RBFOX1: variants seen among roughly 807,000 people sequenced by gnomAD.
RBFOX1 encodes the protein RNA binding fox-1 homolog 1.
RBFOX1 carries 8 observed loss-of-function variants against 57.7 expected under a neutral mutation model. That is an observed-to-expected ratio of 0.14 (90% CI 0.08 to 0.25). The LOEUF (loss-of-function observed/expected upper bound fraction) is 0.25. Ranked by LOEUF, RBFOX1 falls within the 10% of genes least tolerant of loss-of-function variation. The pLI, the probability that RBFOX1 is intolerant of heterozygous loss-of-function variation, is 1.00. For synonymous variants in RBFOX1, 326 were observed against 222.4 expected (o/e 1.47, Z -4.15); for missense variants, 611 against 548.5 (o/e 1.11, Z -1.14).
intron 3 of RBFOX1, among the ~76,000 whole-genome samples, chr16:6,680,246 C>T (rs1395874885): frequency 1.3e-5 from 2 of 148,506 alleles, no homozygotes; most frequent in African/African-American, 2.5e-5. Context: ...GAGTATGATT[C>T]CTGTCTTTGC....
chr16:5,889,482 T>A (rs1197752274), intron 4 of RBFOX1, among the ~76,000 whole-genome samples: 1 of 152,192 alleles, frequency 6.6e-6, no homozygotes, highest in African/African-American at 2.4e-5. Context: ...GGCATTTGGG[T>A]TGATTTCATG....
At chr16:6,517,265 C>T (rs1171104008) in intron 2 of RBFOX1, among the ~76,000 whole-genome samples, 3 of 152,152 alleles carry the variant, frequency 2.0e-5, no homozygotes, top group South Asian at 2.1e-4. Flanking sequence ...ACCCACAATT[C>T]TGCATATTCA....
intron 4 of RBFOX1, among the ~76,000 whole-genome samples, chr16:7,269,276 C>G (rs2095258779): frequency 6.6e-6 from 1 of 152,106 alleles, no homozygotes; most frequent in Admixed American, 6.5e-5. Context: ...CACCTACACC[C>G]CTTTTAACCC....
chr16:6,149,226 C>G (rs182338847), intron 1 of RBFOX1, among the ~76,000 whole-genome samples: 2,158 of 152,266 alleles, frequency 0.014, 62 homozygotes, highest in African/African-American at 0.049. Context: ...TGTGTGCGCG[C>G]GCGTGCGCGG....
At chr16:7,320,178 C>G (rs2096520533) in intron 4 of RBFOX1, among the ~76,000 whole-genome samples, 1 of 152,110 alleles carries the variant, frequency 6.6e-6, no homozygotes, top group Non-Finnish European at 1.5e-5. Flanking sequence ...AACCCATCAG[C>G]TAGGTATTAA....
At chr16:6,269,379 C>T (rs2074936426) in intron 1 of RBFOX1, among the ~76,000 whole-genome samples, 1 of 152,274 alleles carries the variant, frequency 6.6e-6, no homozygotes, top group East Asian at 1.9e-4. Context: ...GATATAGTTT[C>T]AAATCACTGA....
chr16:7,011,763 C>T (rs866236424), intron 3 of RBFOX1, among the ~76,000 whole-genome samples: 1 of 152,176 alleles, frequency 6.6e-6, no homozygotes, highest in Admixed American at 6.5e-5. Context: ...ATCCGCCTGC[C>T]TTGGCCTTCC....
intron 2 of RBFOX1, among the ~76,000 whole-genome samples, chr16:6,553,316 T>C (rs953999139): frequency 1.3e-5 from 2 of 152,218 alleles, no homozygotes; most frequent in African/African-American, 4.8e-5. Context: ...GAAATAAAGA[T>C]CGTGAAGTGC....
chr16:7,577,918 T>A (rs1348773719), intron 5 of RBFOX1, among the ~76,000 whole-genome samples: 1 of 152,114 alleles, frequency 6.6e-6, no homozygotes, highest in Non-Finnish European at 1.5e-5. Flanking sequence ...CAAAAGACAA[T>A]GACAAAATGA....
At chr16:6,577,280 G>A (rs1173321042) in intron 2 of RBFOX1, 1 of 152,120 alleles carries the variant, frequency 6.6e-6, no homozygotes, top group Non-Finnish European at 1.5e-5. Flanking sequence ...CATACTAATG[G>A]AACACTACAT....
chr16:6,653,531 C>T lies in RBFOX1; in HGVS notation c.-63-1072C>T, dbSNP rs191690876. 1.9e-3 allele frequency among the ~76,000 whole-genome samples: 283 copies of T among 152,244 alleles called. 2 individuals carry two copies. Among genetic ancestry groups the T allele is most frequent in the African/African-American group, 6.4e-3 (266 of 41,518 alleles). On this transcript the variant is annotated intron_variant, in intron 2 of 15. Coordinates refer to ENST00000550418, the MANE Select transcript of RBFOX1 (RefSeq NM_018723.4). Reference sequence around the variant, plus strand: ...CTGAGGGTAGGAATTATGTTTGTTTCACCTTTTCGTACCAGGACAACAAGA... The same window carrying T: ...CTGAGGGTAGGAATTATGTTTGTTTTACCTTTTCGTACCAGGACAACAAGA...
chr16:6,578,656 A>G (rs1439630433), intron 2 of RBFOX1, among the ~76,000 whole-genome samples: 1 of 151,378 alleles, frequency 6.6e-6, no homozygotes, highest in Non-Finnish European at 1.5e-5. Context: ...ACAAAAATAT[A>G]GAGAAGGAGA....
At chr16:5,994,309 G>T (rs573289824) in intron 4 of RBFOX1, among the ~76,000 whole-genome samples, 43 of 152,284 alleles carry the variant, frequency 2.8e-4, no homozygotes, top group African/African-American at 9.9e-4. Context: ...TTATAGGCAT[G>T]TGCCAACATG....
At chr16:5,863,559 A>C (rs1346677816) in intron 3 of RBFOX1, among the ~76,000 whole-genome samples, 1 of 152,216 alleles carries the variant, frequency 6.6e-6, no homozygotes, top group Non-Finnish European at 1.5e-5. Context: ...CTGTGGGTGC[A>C]CATTCATGAA....
chr16:6,686,767 C>T (rs1385555892), intron 3 of RBFOX1, among the ~76,000 whole-genome samples: 2 of 152,180 alleles, frequency 1.3e-5, no homozygotes, highest in East Asian at 1.9e-4. Context: ...CAACCTCCCC[C>T]ATTACACACA....
At chr16:7,178,501 A>T (rs925843107) in intron 4 of RBFOX1, among the ~76,000 whole-genome samples, 1 of 152,168 alleles carries the variant, frequency 6.6e-6, no homozygotes, top group African/African-American at 2.4e-5. Context: ...GTATCGATTG[A>T]CTGATAATCA....
chr16:6,586,361 G>A (rs1437829734), intron 2 of RBFOX1, among the ~76,000 whole-genome samples: 1 of 152,148 alleles, frequency 6.6e-6, no homozygotes, highest in Admixed American at 6.6e-5. Flanking sequence ...AAAACCAGCA[G>A]CATAAATGGA....
upstream of RBFOX1, among the ~76,000 whole-genome samples, chr16:6,018,903 G>A (rs915286188): frequency 6.6e-6 from 1 of 151,988 alleles, no homozygotes; most frequent in African/African-American, 2.4e-5. Flanking sequence ...TAGGCCAGGA[G>A]ACCAGGGTAC....
chr16:6,576,045 A>G (rs1165007871), intron 2 of RBFOX1, among the ~76,000 whole-genome samples: 3 of 152,104 alleles, frequency 2.0e-5, no homozygotes, highest in Non-Finnish European at 2.9e-5. Context: ...ACACAGTTCA[A>G]AAACAATGAC....
Sources: allele counts gnomAD v4.1 joint callset (sites outside exome capture counted in the v4.1 genomes callset), GRCh38; gene constraint gnomAD v4.1.1; transcripts MANE v1.5; gene names NCBI Gene and HGNC (gene_info 2026-07-23, HGNC 2026-07-21).